DRC11: variants seen among roughly 807,000 people sequenced by gnomAD.
DRC11 encodes the protein IQ and AAA domain-containing protein 1.
At chr2:236,330,288 A>G in the DRC11 span, among the ~76,000 whole-genome samples, 1 of 152,140 alleles carries the variant, frequency 6.6e-6, no homozygotes, top group African/African-American at 2.4e-5. This position sits in a 1 kb window ranked among gnomAD's most constrained non-coding sequence, Gnocchi z 5.5. Context: ...GTTTTATTGG[A>G]ACCCAGCCAT....
the DRC11 span, among the ~76,000 whole-genome samples, chr2:236,340,288 C>T: frequency 6.6e-6 from 1 of 152,178 alleles, no homozygotes; most frequent in Non-Finnish European, 1.5e-5. Context: ...CCATGCCCGG[C>T]TAATTTTTGT....
the DRC11 span, among the ~76,000 whole-genome samples, chr2:236,423,421 A>C: frequency 1.3e-5 from 2 of 152,254 alleles, no homozygotes; most frequent in Non-Finnish European, 2.9e-5. Context: ...AAAAGAAGAC[A>C]TTTATGCAGC....
the DRC11 span, among the ~76,000 whole-genome samples, chr2:236,338,620 G>A: frequency 6.6e-6 from 1 of 152,186 alleles, no homozygotes; most frequent in Non-Finnish European, 1.5e-5. Context: ...GATTTAGAGG[G>A]TGGGAAGGAA....
At chr2:236,316,750 G>C in the DRC11 span, among the ~76,000 whole-genome samples, 1 of 152,196 alleles carries the variant, frequency 6.6e-6, no homozygotes, top group Non-Finnish European at 1.5e-5. The surrounding 1 kb of genome is among the most constrained non-coding windows in gnomAD (Gnocchi z 6.8). Flanking sequence ...TGGGGACAAT[G>C]AAAACGCCTG....
chr2:236,410,191 C>T, the DRC11 span, among the ~76,000 whole-genome samples: 2 of 150,856 alleles, frequency 1.3e-5, no homozygotes, highest in African/African-American at 4.9e-5. Context: ...ATGGTACCAG[C>T]TCCTCCTTGT....
chr2:236,450,597 C>T, the DRC11 span, among the ~76,000 whole-genome samples: 4 of 152,068 alleles, frequency 2.6e-5, no homozygotes, highest in Admixed American at 1.3e-4. Flanking sequence ...GGATTATAGG[C>T]GTGAGCCACA....
At chr2:236,347,871 AAAATCTC>A in the DRC11 span, among the ~76,000 whole-genome samples, 1 of 150,566 alleles carries the variant, frequency 6.6e-6, no homozygotes, top group Non-Finnish European at 1.5e-5. Context: ...AAAAAAAATC[AAAATCTC>A]AAATCTCAAA....
the DRC11 span, among the ~76,000 whole-genome samples, chr2:236,333,647 GAACTAT>G: frequency 6.6e-6 from 1 of 152,130 alleles, no homozygotes. The surrounding 1 kb of genome is among the most constrained non-coding windows in gnomAD (Gnocchi z 6.0). Context: ...GTGCAAAAGG[GAACTAT>G]CAGTGGGAAG....
At chr2:236,425,751 A>C in the DRC11 span, among the ~76,000 whole-genome samples, 5 of 151,954 alleles carry the variant, frequency 3.3e-5, no homozygotes, top group Non-Finnish European at 7.4e-5. Flanking sequence ...TTCTTACAGT[A>C]GTTTTATAGC....
At chr2:236,388,964 T>C in the DRC11 span, among the ~76,000 whole-genome samples, 1 of 152,162 alleles carries the variant, frequency 6.6e-6, no homozygotes, top group African/African-American at 2.4e-5. Flanking sequence ...GCCTCCCAGT[T>C]AGGCTGCTCG....
chr2:236,377,365 A>G, the DRC11 span, among the ~76,000 whole-genome samples: 2 of 152,220 alleles, frequency 1.3e-5, no homozygotes, highest in African/African-American at 4.8e-5. The surrounding 1 kb of genome is among the most constrained non-coding windows in gnomAD (Gnocchi z 4.9). Flanking sequence ...AGGCTTTTTA[A>G]AAACAATACT....
chr2:236,502,212 A>AT, the DRC11 span, among the ~76,000 whole-genome samples: 15 of 152,286 alleles, frequency 9.8e-5, no homozygotes, highest in African/African-American at 3.1e-4. Context: ...AATATAAACC[A>AT]TTTTTTAACA....
At chr2:236,353,501 G>A in the DRC11 span, among the ~76,000 whole-genome samples, 20 of 152,260 alleles carry the variant, frequency 1.3e-4, no homozygotes, top group East Asian at 3.9e-3. The surrounding 1 kb of genome is among the most constrained non-coding windows in gnomAD (Gnocchi z 5.0). Flanking sequence ...GCATGCATGG[G>A]TTATGAAGAT....
chr2:236,473,436 C>T, the DRC11 span, among the ~76,000 whole-genome samples: 5 of 152,292 alleles, frequency 3.3e-5, no homozygotes, highest in Non-Finnish European at 4.4e-5. The surrounding 1 kb of genome is among the most constrained non-coding windows in gnomAD (Gnocchi z 4.8). Context: ...GCTTGCCTCA[C>T]GTTAGAATGG....
At chr2:236,448,498 G>A in the DRC11 span, among the ~76,000 whole-genome samples, 1 of 152,096 alleles carries the variant, frequency 6.6e-6, no homozygotes, top group East Asian at 1.9e-4. The surrounding 1 kb of genome is among the most constrained non-coding windows in gnomAD (Gnocchi z 5.3). Flanking sequence ...ACCATGCCTG[G>A]CTAATTTTTG....
the DRC11 span, among the ~76,000 whole-genome samples, chr2:236,399,850 G>T: frequency 1.3e-5 from 2 of 152,080 alleles, no homozygotes; most frequent in Admixed American, 1.3e-4. This position sits in a 1 kb window ranked among gnomAD's most constrained non-coding sequence, Gnocchi z 7.0. Flanking sequence ...CCAGTAGCTG[G>T]GACTGCAGGT....
At chr2:236,339,480 T>C in the DRC11 span, among the ~76,000 whole-genome samples, 2 of 152,232 alleles carry the variant, frequency 1.3e-5, no homozygotes, top group Non-Finnish European at 2.9e-5. Context: ...AAGGAACAAC[T>C]GCCTAATCTA....
chr2:236,459,546 CGTATACATGTATACGTATATAT>C, the DRC11 span, among the ~76,000 whole-genome samples: 64 of 118,128 alleles, frequency 5.4e-4, no homozygotes, highest in African/African-American at 2.1e-3. Flanking sequence ...TATACGTATA[CGTATACATGTATACGTATATAT>C]GTGTATACAT....
the DRC11 span, among the ~76,000 whole-genome samples, chr2:236,394,594 G>A: frequency 6.6e-6 from 1 of 151,988 alleles, no homozygotes; most frequent in South Asian, 2.1e-4. The surrounding 1 kb of genome is among the most constrained non-coding windows in gnomAD (Gnocchi z 7.0). Flanking sequence ...CTCCAGCCTA[G>A]GCGACAGAGC....
Sources: allele counts gnomAD v4.1 joint callset (sites outside exome capture counted in the v4.1 genomes callset), GRCh38; gene constraint gnomAD v4.1.1; non-coding constraint Gnocchi (gnomAD v3.1); transcripts MANE v1.5; gene names NCBI Gene and HGNC (gene_info 2026-07-23, HGNC 2026-07-21).